Variants in DHRS12 observed in about 807,000 individuals in gnomAD.
DHRS12 encodes dehydrogenase/reductase SDR family member 12.
A neutral mutation model predicts 32.1 loss-of-function variants in DHRS12; 29 were observed. The ratio of observed to expected loss-of-function variants is 0.90; its 90% confidence interval spans 0.67 to 1.23. The LOEUF (loss-of-function observed/expected upper bound fraction) is 1.23, where lower values mean the gene tolerates loss of function less well. DHRS12 is among the 50% of genes most tolerant of loss of function. The pLI is 0.00. For missense variants in DHRS12, 330 were observed against 337.2 expected (o/e 0.98, Z 0.17); for synonymous variants, 150 against 135.9 (o/e 1.10, Z -0.72).
At chr13:51,757,463 A>G in the DHRS12 span, among the ~76,000 whole-genome samples, 1,154 of 140,738 alleles carry the variant, frequency 8.2e-3, 4 homozygotes, top group Non-Finnish European at 0.012. Flanking sequence ...AAAGGAAAAA[A>G]AAAAATTGTC....
intron 7 of DHRS12, 86 bp downstream of exon 7, chr13:51,771,735 C>A: frequency 1.3e-6 from 2 of 1,519,726 alleles, no homozygotes; most frequent in Admixed American, 1.7e-5. Flanking sequence ...GGTTTTAGGT[C>A]ATTCCTGGGG....
chr13:51,799,647 C>T lies in DHRS12; in HGVS notation c.13G>A (p.Val5Ile). The T allele has an allele frequency of 3.7e-6, 6 of 1,614,070 alleles. No individual in the cohort carries two copies. Among genetic ancestry groups the T allele is most frequent in the Non-Finnish European group, 5.1e-6 (6 of 1,180,024 alleles). ...CAAGTCATGAGGGACAAAGTCTTTACATGCAGATTCATAGCCACTCCTAGA... is the reference window on the plus strand; with the variant it reads ...CAAGTCATGAGGGACAAAGTCTTTATATGCAGATTCATAGCCACTCCTAGA... The part of the protein sequence containing the change: MNLH[V>I]KTLSLMTWRS... Residue 5 changes from valine (V) to isoleucine (I), a missense_variant, in exon 2 of 9, where the codon GTA becomes ATA. Physicochemically the swap from Val to Ile is conservative, Grantham distance 29. Coordinates refer to ENST00000444610, the MANE Select transcript of DHRS12 (RefSeq NM_001377533.1).
intron 1 of DHRS12, among the ~76,000 whole-genome samples, chr13:51,800,341 A>C (rs1158539670): frequency 6.6e-6 from 1 of 152,242 alleles, no homozygotes; most frequent in Non-Finnish European, 1.5e-5. Context: ...GGATAGATGC[A>C]ATTGTGAGTT....
intron 8 of DHRS12, 158 bp downstream of exon 8, chr13:51,768,998 A>C: frequency 7.0e-7 from 1 of 1,424,684 alleles, no homozygotes; most frequent in Non-Finnish European, 9.2e-7. Flanking sequence ...CCCAAAACTA[A>C]CCTCAGCAGG....
chr13:51,791,169 A>G lies in DHRS12; in HGVS notation c.215T>C (p.Val72Ala). 1 of 1,579,734 alleles carries G rather than the reference A, an allele frequency of 6.3e-7. No individual in the cohort carries two copies. Among genetic ancestry groups the G allele is most frequent in the Non-Finnish European group, 8.6e-7 (1 of 1,161,558 alleles). The change falls in exon 3 of 9, where the codon GTT (valine) becomes GCT (alanine). Residue 72 changes from valine (V) to alanine (A), a missense_variant. Transcript: ENST00000444610. ...ACTTATGTTTACAAAGCTCACCAGAACATGGAGTTTATGTTCCTGCTTGAA... is the reference window on the plus strand; with the variant it reads ...ACTTATGTTTACAAAGCTCACCAGAGCATGGAGTTTATGTTCCTGCTTGAA... ...ENFKQEHKLH[V>A]LINNAGCMVN...
Position 51,769,143 on chromosome 13 carries a change from G to A in DHRS12, c.697+13C>T. The A allele has an allele frequency of 1.3e-6, 2 of 1,548,974 alleles. No individual in the cohort carries two copies. Among genetic ancestry groups the A allele is most frequent in the Non-Finnish European group, 1.7e-6 (2 of 1,146,982 alleles). On this transcript the variant is annotated intron_variant, in intron 8 of 8. Transcript: ENST00000444610. ...CCTGTGTCAGCTGCCTTCACAGCCA[G>A]GGAGGAAGTCACCTTGAAAGAAGCG...
chr13:51,794,736 TA>T (rs1182224951), intron 2 of DHRS12, among the ~76,000 whole-genome samples: 1 of 151,082 alleles, frequency 6.6e-6, no homozygotes, highest in Non-Finnish European at 1.5e-5. Context: ...ATCTCAAAAA[TA>T]GCCTATCTCA....
At chr13:51,781,824 T>G (rs766397571) in intron 4 of DHRS12, among the ~76,000 whole-genome samples, 10 of 152,192 alleles carry the variant, frequency 6.6e-5, no homozygotes, top group African/African-American at 1.9e-4. Flanking sequence ...GGGGTGACTT[T>G]AAGCAGAAGG....
intron 5 of DHRS12, chr13:51,776,586 G>A (rs1954416731): frequency 5.7e-6 from 1 of 175,230 alleles, no homozygotes; most frequent in Admixed American, 5.4e-5. Flanking sequence ...CGGGTCGGGG[G>A]TGGCACAGAT....
At position 51,804,112 on chromosome 13, in the gene DHRS12, C is replaced by T. The variant is rs1293336500; in HGVS notation, c.-67G>A. The T allele has an allele frequency of 6.7e-7, 1 of 1,488,902 alleles. No homozygotes were observed. Among genetic ancestry groups the T allele is most frequent in the Admixed American group, 2.2e-5 (1 of 45,046 alleles). The allele number at this position is 1,488,902 out of a possible 1,614,324, so 92.2% of individuals were successfully genotyped here. A position where few individuals can be genotyped will look rare whatever the true frequency, so the allele number is the denominator to read the frequency against. On this transcript the variant is annotated 5_prime_UTR_variant, in exon 1 of 9. Coordinates refer to ENST00000444610, the MANE Select transcript of DHRS12 (RefSeq NM_001377533.1). ...ACGACGCTGCGGTACAGGGACATGC[C>T]GGGAGCGCCCCACGCCTAGCCCCAC...
chr13:51,802,210 CACACACACG>C (rs1955792851), intron 1 of DHRS12, among the ~76,000 whole-genome samples: 1 of 102,036 alleles, frequency 9.8e-6, no homozygotes, highest in Non-Finnish European at 2.0e-5. Context: ...CACACACACA[CACACACACG>C]ACTTTCCCAA....
intron 1 of DHRS12, among the ~76,000 whole-genome samples, chr13:51,802,913 TAC>T (rs79536711): frequency 0.16 from 24,971 of 152,184 alleles, 2,200 homozygotes; most frequent in East Asian, 0.34. Context: ...GAGAAATTTT[TAC>T]AGTCTGCTTT....
rs896560454 is a variant in DHRS12 at position 51,770,883 on chromosome 13, G to A, written c.559+938C>T. On this transcript the variant is annotated intron_variant, in intron 7 of 8. Coordinates refer to ENST00000444610, the MANE Select transcript of DHRS12 (RefSeq NM_001377533.1). ...AGCCCTGAACAGATTTTGCACAGGT[G>A]TTCTATAATTTATTAACTTCATCTC... The A allele has an allele frequency of 2.2e-5, 25 of 1,147,590 alleles. No homozygotes were observed. The East Asian group carries it at 9.5e-4, about 44-fold the overall frequency. The allele number at this position is 1,147,590 out of a possible 1,614,324, so 71.1% of individuals were successfully genotyped here.
chr13:51,772,317 G>A (rs1445259233), intron 6 of DHRS12, among the ~76,000 whole-genome samples: 7 of 152,090 alleles, frequency 4.6e-5, no homozygotes, highest in Admixed American at 1.3e-4. Flanking sequence ...AGCACAGACC[G>A]GCATACGGTG....
At chr13:51,802,206 C>G (rs1593578302) in intron 1 of DHRS12, among the ~76,000 whole-genome samples, 1 of 128,422 alleles carries the variant, frequency 7.8e-6, no homozygotes, top group East Asian at 2.3e-4. Flanking sequence ...CACACACACA[C>G]ACACACACAC....
intron 1 of DHRS12, among the ~76,000 whole-genome samples, chr13:51,801,714 T>TC (rs1955763598): frequency 2.0e-5 from 3 of 152,116 alleles, no homozygotes; most frequent in African/African-American, 7.2e-5. Context: ...GGGGCTTAGC[T>TC]AGGAGGAGGC....
downstream of DHRS12, chr13:51,764,449 T>TAAAC (rs899161424): frequency 2.0e-5 from 3 of 153,020 alleles, no homozygotes; most frequent in African/African-American, 7.2e-5. Context: ...AGAAACAGCA[T>TAAAC]AAACAAACAA....
At chr13:51,799,457 A>G in intron 2 of DHRS12, 77 bp downstream of exon 2, 4 of 1,570,060 alleles carry the variant, frequency 2.5e-6, no homozygotes, top group Non-Finnish European at 3.5e-6. Flanking sequence ...CCTGTGACAC[A>G]GGGTGCCCTC....
intron 4 of DHRS12, chr13:51,777,347 G>T: frequency 1.7e-6 from 1 of 573,512 alleles, no homozygotes; most frequent in South Asian, 2.1e-5. Flanking sequence ...AGGAAAAGAT[G>T]TCCACACTAC....
Sources: gnomAD v4.1 joint callset for allele counts (sites outside exome capture counted in the v4.1 genomes callset) on GRCh38, gnomAD v4.1.1 for gene constraint, MANE v1.5 for transcripts, NCBI Gene and HGNC (gene_info 2026-07-23, HGNC 2026-07-21) for gene names.